TTC23: variants seen among roughly 807,000 people sequenced by gnomAD.
The protein encoded by TTC23 is tetratricopeptide repeat domain 23, also known as tetratricopeptide repeat protein 23.
In TTC23, 58 loss-of-function variants were observed where a neutral mutation model predicts 55.1. The observed-to-expected ratio is 1.05, with a 90% CI of 0.85 to 1.31. The LOEUF is 1.31. TTC23 is among the 50% of genes most tolerant of loss of function. The pLI, the probability that TTC23 is intolerant of heterozygous loss-of-function variation, is 0.00. For synonymous variants in TTC23, 203 were observed against 199.9 expected (o/e 1.02, Z -0.13); for missense variants, 516 against 534.4 (o/e 0.97, Z 0.34).
intron 10 of TTC23, among the ~76,000 whole-genome samples, chr15:99,168,708 T>C (rs1405255160): frequency 6.6e-6 from 1 of 151,900 alleles, no homozygotes; most frequent in Non-Finnish European, 1.5e-5. Context: ...CTTGATGAGG[T>C]TTCAGCTCTG....
chr15:99,152,288 C>T (rs2069886545), intron 12 of TTC23, among the ~76,000 whole-genome samples: 1 of 152,218 alleles, frequency 6.6e-6, no homozygotes, highest in African/African-American at 2.4e-5. Flanking sequence ...CAGATACCAG[C>T]ATCATGCTTG....
chr15:99,237,977 A>T (rs935839418), intron 3 of TTC23, among the ~76,000 whole-genome samples: 2 of 151,634 alleles, frequency 1.3e-5, no homozygotes, highest in Non-Finnish European at 2.9e-5. Flanking sequence ...TATTATTATT[A>T]TTTTTTGAGA....
chr15:99,215,123 TG>T (rs1416030913), intron 8 of TTC23, among the ~76,000 whole-genome samples: 1 of 151,990 alleles, frequency 6.6e-6, no homozygotes, highest in African/African-American at 2.4e-5. Context: ...CCCAAAGTGC[TG>T]GGATTACAGG....
At chr15:99,205,546 G>A (rs1301333281) in intron 8 of TTC23, among the ~76,000 whole-genome samples, 2 of 149,072 alleles carry the variant, frequency 1.3e-5, no homozygotes, top group Non-Finnish European at 3.0e-5. Context: ...CTTATTTATT[G>A]CTAGGTTTTT....
At chr15:99,190,819 G>A (rs1236958819) in intron 9 of TTC23, among the ~76,000 whole-genome samples, 5 of 151,710 alleles carry the variant, frequency 3.3e-5, no homozygotes, top group Admixed American at 6.6e-5. Flanking sequence ...AAGTGCAGTG[G>A]CGTCCAGGTT....
intron 1 of TTC23, among the ~76,000 whole-genome samples, chr15:99,245,874 G>A (rs1259279868): frequency 2.1e-5 from 3 of 145,294 alleles, no homozygotes; most frequent in Non-Finnish European, 4.5e-5. Context: ...GCGTGATCTC[G>A]GCTCACTGCA....
At chr15:99,166,758 T>C (rs2072159368) in intron 10 of TTC23, among the ~76,000 whole-genome samples, 1 of 152,140 alleles carries the variant, frequency 6.6e-6, no homozygotes, top group Non-Finnish European at 1.5e-5. Flanking sequence ...AGGTCTCTAG[T>C]CACAGGGGGA....
At chr15:99,241,215 T>G (rs2079766079) in intron 3 of TTC23, 150 bp downstream of exon 3, 1 of 152,570 alleles carries the variant, frequency 6.6e-6, no homozygotes, top group African/African-American at 2.4e-5. Context: ...ACTCGGAGGC[T>G]GAGGCACAAG....
chr15:99,228,802 C>A, intron 4 of TTC23, 70 bp from the exon 5 acceptor site: 10 of 1,213,258 alleles, frequency 8.2e-6, no homozygotes, highest in Non-Finnish European at 1.1e-5. Flanking sequence ...ATATACATTT[C>A]AACACTATAC....
intron 5 of TTC23, among the ~76,000 whole-genome samples, chr15:99,228,096 A>G (rs539313392): frequency 6.6e-6 from 1 of 152,362 alleles, no homozygotes; most frequent in South Asian, 2.1e-4. Context: ...TACAATAGAT[A>G]TTTATGATGA....
intron 3 of TTC23, among the ~76,000 whole-genome samples, chr15:99,238,220 C>T (rs957170228): frequency 1.3e-5 from 2 of 152,098 alleles, no homozygotes; most frequent in Admixed American, 6.5e-5. Flanking sequence ...CAGCCCACCT[C>T]GGCCTCCCAA....
At chr15:99,245,210 CAT>C (rs1274423346) in intron 2 of TTC23, among the ~76,000 whole-genome samples, 177 bp downstream of exon 2, 4 of 152,052 alleles carry the variant, frequency 2.6e-5, no homozygotes, top group Admixed American at 2.6e-4. Flanking sequence ...GTGGTACTGG[CAT>C]AAGAAATGAC....
At chr15:99,171,426 G>A (rs936229643) in intron 10 of TTC23, among the ~76,000 whole-genome samples, 10 of 152,184 alleles carry the variant, frequency 6.6e-5, no homozygotes, top group Non-Finnish European at 1.3e-4. Context: ...TCCTGCCTCC[G>A]AGGGTTGTTA....
chr15:99,180,974 A>AGCACCTTCT (rs1359464047), intron 9 of TTC23, among the ~76,000 whole-genome samples: 2 of 152,226 alleles, frequency 1.3e-5, no homozygotes, highest in Non-Finnish European at 1.5e-5. Flanking sequence ...ACATCGATTA[A>AGCACCTTCT]GCACCTTCTT....
intron 2 of TTC23, among the ~76,000 whole-genome samples, chr15:99,245,094 A>G (rs2080124706): frequency 6.6e-6 from 1 of 152,234 alleles, no homozygotes; most frequent in South Asian, 2.1e-4. Flanking sequence ...TACAAAAGGT[A>G]CACTTATATC....
intron 9 of TTC23, among the ~76,000 whole-genome samples, chr15:99,175,420 C>T (rs780335053): frequency 6.6e-5 from 10 of 152,226 alleles, no homozygotes; most frequent in Non-Finnish European, 1.3e-4. Flanking sequence ...GTCTATGATC[C>T]TTTGAGTCCA....
chr15:99,251,191 A>G (rs761787339), upstream of TTC23: 4 of 152,434 alleles, frequency 2.6e-5, no homozygotes, highest in Admixed American at 2.0e-4. Context: ...CTCCGTCGAC[A>G]TCAAACCCCA....
intron 12 of TTC23, chr15:99,140,342 G>A (rs1161999584): frequency 6.6e-6 from 1 of 152,046 alleles, no homozygotes; most frequent in East Asian, 1.9e-4. Context: ...GCAAAACTTG[G>A]AGCTTTTAGA....
At position 99,211,331 on chromosome 15, in the gene TTC23, C is replaced by T. The variant is rs536405770; in HGVS notation, c.581+7257G>A. 1.9e-4 allele frequency among the ~76,000 whole-genome samples: 29 copies of T among 152,002 alleles called. No homozygotes were observed. The Middle Eastern group carries it at 0.01, about 53-fold the overall frequency. On this transcript the variant is annotated intron_variant, in intron 8 of 13. Transcript: ENST00000394132. ...TGGATGTTGCAGTGAGTCAAGATCA[C>T]GCCACTGCACTCCAGCCTGGGTGAC...
Sources: allele counts gnomAD v4.1 joint callset (sites outside exome capture counted in the v4.1 genomes callset), GRCh38; gene constraint gnomAD v4.1.1; transcripts MANE v1.5; gene names NCBI Gene and HGNC (gene_info 2026-07-23, HGNC 2026-07-21).